The following ELAVL2 variants were observed in gnomAD, a reference collection of about 807,000 sequenced individuals.
ELAVL2 encodes ELAV like RNA binding protein 2, also known as ELAV-like protein 2.
Under a neutral mutation model 34.6 loss-of-function variants are expected in ELAVL2, and 4 were observed. That is an observed-to-expected ratio of 0.12 (90% CI 0.06 to 0.26). The LOEUF is 0.26. Ranked by LOEUF, ELAVL2 falls within the 10% of genes least tolerant of loss-of-function variation. The pLI is 1.00. For synonymous variants in ELAVL2, 193 were observed against 154.8 expected (o/e 1.25, Z -1.83); for missense variants, 432 against 442.8 (o/e 0.98, Z 0.22).
chr9:23,814,619 C>T (rs927175124), intron 1 of ELAVL2, among the ~76,000 whole-genome samples: 1 of 152,104 alleles, frequency 6.6e-6, no homozygotes, highest in African/African-American at 2.4e-5. Context: ...TAAATAGCAC[C>T]TGGGGAGATC....
At chr9:23,799,432 A>T (rs1258554699) in intron 1 of ELAVL2, among the ~76,000 whole-genome samples, 1 of 152,222 alleles carries the variant, frequency 6.6e-6, no homozygotes, top group African/African-American at 2.4e-5. Flanking sequence ...ACTAGAACCT[A>T]GATGTCCCTC....
At chr9:23,737,422 C>T (rs78250082) in intron 2 of ELAVL2, among the ~76,000 whole-genome samples, 1,990 of 152,116 alleles carry the variant, frequency 0.013, 43 homozygotes, top group African/African-American at 0.041. Flanking sequence ...ATTGTTCATA[C>T]GAAAAATTTC....
At chr9:23,765,242 A>G in intron 1 of ELAVL2, 1 of 666,940 alleles carries the variant, frequency 1.5e-6, no homozygotes, top group Non-Finnish European at 2.4e-6. Flanking sequence ...GGCAATTCCA[A>G]TCTAATCTTT....
chr9:23,848,872 G>C, the ELAVL2 span, among the ~76,000 whole-genome samples: 1 of 152,150 alleles, frequency 6.6e-6, no homozygotes, highest in Non-Finnish European at 1.5e-5. Flanking sequence ...AGATGGCCTT[G>C]CCTCATCAGA....
At chr9:23,799,821 C>T (rs1302107943) in intron 1 of ELAVL2, among the ~76,000 whole-genome samples, 1 of 152,158 alleles carries the variant, frequency 6.6e-6, no homozygotes, top group East Asian at 1.9e-4. Flanking sequence ...CCTGAAAGGG[C>T]TCTATTTACC....
chr9:23,831,329 C>G (rs1205124202), upstream of ELAVL2: 2 of 152,512 alleles, frequency 1.3e-5, no homozygotes, highest in African/African-American at 4.8e-5. Flanking sequence ...CCTCCTCCTC[C>G]CCCTCTCACT....
chr9:23,718,978 G>A lies in ELAVL2; in HGVS notation c.333+12044C>T, dbSNP rs372641552. ...TCCCAAAACCCTTTGTGTGACAGTT[G>A]TGAAGATTTTAAAAGAAAGAGTTTT... On this transcript the variant is annotated intron_variant, in intron 3 of 6. Coordinates refer to ENST00000397312, the MANE Select transcript of ELAVL2 (RefSeq NM_004432.5). 2.6e-5 allele frequency among the ~76,000 whole-genome samples: 4 copies of A among 152,164 alleles called. No homozygotes were observed. The East Asian group carries it at 7.7e-4, about 29-fold the overall frequency.
At chr9:23,736,434 T>C (rs1037534852) in intron 2 of ELAVL2, among the ~76,000 whole-genome samples, 3 of 152,084 alleles carry the variant, frequency 2.0e-5, no homozygotes, top group South Asian at 2.1e-4. Flanking sequence ...TACAGGGTAT[T>C]AGAAGAAAAT....
intron 3 of ELAVL2, among the ~76,000 whole-genome samples, chr9:23,728,545 G>A (rs2045812604): frequency 6.6e-6 from 1 of 152,106 alleles, no homozygotes; most frequent in Non-Finnish European, 1.5e-5. Context: ...TTTTGAGTGA[G>A]CAGTAACACG....
chr9:23,761,135 A>G (rs1222905062), intron 2 of ELAVL2, among the ~76,000 whole-genome samples: 2 of 152,004 alleles, frequency 1.3e-5, no homozygotes, highest in African/African-American at 4.8e-5. Context: ...CAAATATTCC[A>G]TTTTATATTT....
chr9:23,756,697 G>C (rs934275946), intron 2 of ELAVL2, among the ~76,000 whole-genome samples: 1 of 152,270 alleles, frequency 6.6e-6, no homozygotes, highest in Middle Eastern at 3.4e-3. Context: ...CTGAAGAGGG[G>C]ACAGCACTTT....
At chr9:23,794,796 G>T (rs1326308132) in intron 1 of ELAVL2, among the ~76,000 whole-genome samples, 1 of 152,224 alleles carries the variant, frequency 6.6e-6, no homozygotes, top group Non-Finnish European at 1.5e-5. Context: ...AAGATTTCCT[G>T]ACCAATGGAA....
intron 1 of ELAVL2, among the ~76,000 whole-genome samples, chr9:23,815,884 A>G (rs1228240714): frequency 1.3e-5 from 2 of 152,186 alleles, no homozygotes; most frequent in African/African-American, 4.8e-5. Flanking sequence ...GGATTTTAAA[A>G]CAAACTATGA....
At chr9:23,792,259 T>C (rs2060411507) in intron 1 of ELAVL2, among the ~76,000 whole-genome samples, 1 of 152,240 alleles carries the variant, frequency 6.6e-6, no homozygotes, top group Non-Finnish European at 1.5e-5. Context: ...AGGTTAAGTA[T>C]GTTAAATGTA....
intron 1 of ELAVL2, among the ~76,000 whole-genome samples, chr9:23,796,701 G>C (rs2060973355): frequency 6.6e-6 from 1 of 152,188 alleles, no homozygotes; most frequent in African/African-American, 2.4e-5. Flanking sequence ...CGTAGAGTTA[G>C]TTCCCTGCAC....
chr9:23,787,923 G>A (rs2059892229), intron 1 of ELAVL2, among the ~76,000 whole-genome samples: 1 of 152,200 alleles, frequency 6.6e-6, no homozygotes, highest in Admixed American at 6.5e-5. Flanking sequence ...TTCAAAAACA[G>A]TGGAGGTGCT....
At chr9:23,738,103 A>G (rs1284835572) in intron 2 of ELAVL2, among the ~76,000 whole-genome samples, 1 of 152,152 alleles carries the variant, frequency 6.6e-6, no homozygotes, top group Non-Finnish European at 1.5e-5. Context: ...GGCACTCATT[A>G]TGTGTGTCTG....
intron 1 of ELAVL2, among the ~76,000 whole-genome samples, chr9:23,797,591 G>A (rs944261935): frequency 6.6e-6 from 1 of 152,180 alleles, no homozygotes; most frequent in African/African-American, 2.4e-5. Context: ...AAGGACACCA[G>A]GTGTACGATT....
At position 23,719,811 on chromosome 9, in the gene ELAVL2, T is replaced by C. The variant is rs1307946246; in HGVS notation, c.333+11211A>G. Among the ~76,000 whole-genome samples the C allele has an allele frequency of 2.0e-5, 3 of 149,534 alleles. No homozygotes were observed. The East Asian group carries it at 5.9e-4, about 29-fold the overall frequency. On this transcript the variant is annotated intron_variant, in intron 3 of 6. Coordinates refer to ENST00000397312, the MANE Select transcript of ELAVL2 (RefSeq NM_004432.5). ...AAAAATAAGACAAATTTTTATTAAATTTTAAAAGCCACTTTTTTTTTTTTT... is the reference window on the plus strand; with the variant it reads ...AAAAATAAGACAAATTTTTATTAAACTTTAAAAGCCACTTTTTTTTTTTTT...
Sources: allele counts gnomAD v4.1 joint callset (sites outside exome capture counted in the v4.1 genomes callset), GRCh38; gene constraint gnomAD v4.1.1; transcripts MANE v1.5; gene names NCBI Gene and HGNC (gene_info 2026-07-23, HGNC 2026-07-21).